The following SMYD1 variants were observed in gnomAD, a reference collection of about 807,000 sequenced individuals.
The protein encoded by SMYD1 is SET and MYND domain containing 1.
In SMYD1, 49 loss-of-function variants were observed where a neutral mutation model predicts 54.0. The ratio of observed to expected loss-of-function variants is 0.91; its 90% CI spans 0.72 to 1.15. SMYD1 has a LOEUF of 1.15. Among genes scored for constraint, SMYD1 ranks in the 50% most tolerant of loss-of-function variants. The pLI is 0.00. For missense variants in SMYD1, 653 were observed against 639.6 expected (o/e 1.02, Z -0.23); for synonymous variants, 269 against 234.2 (o/e 1.15, Z -1.36).
intron 6 of SMYD1, among the ~76,000 whole-genome samples, chr2:88,101,632 G>T (rs1674722349): frequency 6.6e-6 from 1 of 152,126 alleles, no homozygotes; most frequent in African/African-American, 2.4e-5. Context: ...TTGAGACAGG[G>T]TCTCACTCTG....
intron 1 of SMYD1, among the ~76,000 whole-genome samples, chr2:88,079,600 T>A (rs1674142005): frequency 6.6e-6 from 1 of 152,122 alleles, no homozygotes; most frequent in East Asian, 1.9e-4. Context: ...GGTGGGCAGA[T>A]CACGAGGTCA....
Position 88,110,401 on chromosome 2 carries a change from C to T in SMYD1, c.1362C>T (p.Asn454=), listed in dbSNP as rs747401573. 2.0e-5 allele frequency: 33 copies of T among 1,612,680 alleles called. No homozygotes were observed. Among genetic ancestry groups the T allele is most frequent in the Middle Eastern group, 3.3e-4 (2 of 6,082 alleles). Residue 454 remains asparagine (N), a synonymous_variant, in exon 10 of 10, where the codon AAC becomes AAT. Transcript: ENST00000419482. The part of the protein sequence containing the change: ...TEMELRMFRQ[N]EFMYYKMREA... ...TGGAGCTACGCATGTTCCGCCAGAA[C>T]GAATTCATGTACTACAAGATGCGCG...
intron 7 of SMYD1, 146 bp from the exon 8 acceptor site, chr2:88,106,179 C>A: frequency 1.8e-6 from 2 of 1,100,386 alleles, no homozygotes; most frequent in Admixed American, 2.3e-5. Flanking sequence ...CAATTCATAC[C>A]CCAAACCTGT....
chr2:88,081,637 T>C (rs1277247087), intron 1 of SMYD1, among the ~76,000 whole-genome samples: 1 of 152,078 alleles, frequency 6.6e-6, no homozygotes, highest in Non-Finnish European at 1.5e-5. Context: ...GGTTTTACCA[T>C]GTTGGCCAGG....
chr2:88,080,965 C>CA, intron 1 of SMYD1, among the ~76,000 whole-genome samples: 1 of 150,510 alleles, frequency 6.6e-6, no homozygotes, highest in South Asian at 2.1e-4. Flanking sequence ...TGCAGTGGTA[C>CA]AATCTTGGCT....
At position 88,091,052 on chromosome 2, in the gene SMYD1, T is replaced by A; in HGVS notation, c.569T>A (p.Leu190Gln). 6.2e-7 allele frequency: 1 copy of A among 1,614,166 alleles called. No individual in the cohort carries two copies. Residue 190 changes from leucine to glutamine, a missense_variant, in exon 4 of 10, where the codon CTG (leucine) becomes CAG (glutamine). By Grantham distance (113) the Leu-to-Gln change is moderately radical (BLOSUM62 -2). Coordinates refer to ENST00000419482, the MANE Select transcript of SMYD1 (RefSeq NM_198274.4). ...TTTACTCTCAGTGATCAGAGAGGCC[T>A]GCAGGCCGTGGGCGTAGGCATCTTC... The part of the protein sequence containing the change: ...NGFTLSDQRG[L>Q]QAVGVGIFPN...
chr2:88,101,724 G>C (rs1674724551), intron 6 of SMYD1, among the ~76,000 whole-genome samples: 2 of 152,144 alleles, frequency 1.3e-5, no homozygotes, highest in Non-Finnish European at 2.9e-5. Context: ...TTGTGCCTCA[G>C]CCTCCCTAGT....
At chr2:88,080,330 A>G (rs917034059) in intron 1 of SMYD1, among the ~76,000 whole-genome samples, 2 of 152,334 alleles carry the variant, frequency 1.3e-5, no homozygotes, top group Admixed American at 1.3e-4. Context: ...GAGAATTGTG[A>G]AGTGTAATGT....
chr2:88,093,492 T>A (rs781033530), intron 4 of SMYD1, 25 bp from the exon 5 acceptor site: 1 of 1,614,106 alleles, frequency 6.2e-7, no homozygotes. Context: ...ATGATTTCCA[T>A]ATGGGTGTCT....
chr2:88,087,867 C>A lies in SMYD1; in HGVS notation c.320C>A (p.Ala107Glu). Reference protein sequence around the residue: ...GKVPNENIRLAARIMWRVERE... With the variant: ...GKVPNENIRLEARIMWRVERE... ...TGACGCTGCCCTTCCCACAGGCTGGCGGCGCGCATCATGTGGCGGGTGGAG... is the reference window on the plus strand; with the variant it reads ...TGACGCTGCCCTTCCCACAGGCTGGAGGCGCGCATCATGTGGCGGGTGGAG... The change falls in exon 3 of 10, where the codon GCG (alanine) becomes GAG (glutamate). Residue 107 changes from alanine to glutamate, a missense_variant. Transcript: ENST00000419482. 1 of 1,571,990 alleles carries A rather than the reference C, an allele frequency of 6.4e-7. No homozygotes were observed.
chr2:88,085,625 T>G (rs1360290095), intron 2 of SMYD1, among the ~76,000 whole-genome samples: 1 of 152,182 alleles, frequency 6.6e-6, no homozygotes, highest in African/African-American at 2.4e-5. Flanking sequence ...AGACCTGAAG[T>G]AAATGGCACC....
chr2:88,070,575 C>T (rs1313788444), intron 1 of SMYD1, among the ~76,000 whole-genome samples: 1 of 151,958 alleles, frequency 6.6e-6, no homozygotes, highest in Non-Finnish European at 1.5e-5. Context: ...TATGTTACAT[C>T]TTCTCTATCC....
intron 2 of SMYD1, among the ~76,000 whole-genome samples, chr2:88,086,960 A>T (rs985984785): frequency 1.4e-5 from 2 of 145,614 alleles, no homozygotes; most frequent in African/African-American, 5.0e-5. Flanking sequence ...CATTAGGTAC[A>T]TCTCCCAATG....
At chr2:88,093,076 T>G (rs1011362602) in intron 4 of SMYD1, among the ~76,000 whole-genome samples, 1 of 152,190 alleles carries the variant, frequency 6.6e-6, no homozygotes. Context: ...ACATACTATC[T>G]CTGTGACCTA....
Position 88,111,875 on chromosome 2 carries a change from C to T in SMYD1, c.*1363C>T. The T allele has an allele frequency of 1.8e-6, 1 of 569,714 alleles. No individual in the cohort carries two copies. 35.3% of individuals were successfully genotyped at this position (569,714 alleles called of 1,614,324 possible). A position where few individuals can be genotyped will look rare whatever the true frequency, so the allele number is the denominator to read the frequency against. ...AGACTTCTACACAACCCAGGACTAC[C>T]ATTGACCTCAGAGCTGTACCCCACA... On this transcript the variant is annotated 3_prime_UTR_variant, in exon 10 of 10. Transcript: ENST00000419482.
Position 88,068,083 on chromosome 2 carries a change from CAG to C in SMYD1, c.137+83_137+84del. 3 of 1,493,558 alleles carry C rather than the reference CAG, an allele frequency of 2.0e-6. No homozygotes were observed. In the African/African-American group the frequency reaches 4.2e-5, roughly 21 times the overall value. 92.5% of individuals were successfully genotyped at this position (1,493,558 alleles called of 1,614,324 possible). On this transcript the variant is annotated intron_variant, in intron 1 of 9. Transcript: ENST00000419482. ...AAAATACTTTGCTCTCAAAAATCAT[CAG>C]GGGAAGGGATAAAATTCATGTGCTC... is the stretch of plus-strand genomic sequence containing the variant.
intron 1 of SMYD1, among the ~76,000 whole-genome samples, chr2:88,083,665 C>T (rs1013181599): frequency 6.6e-6 from 1 of 152,214 alleles, no homozygotes. Flanking sequence ...CACCACACTG[C>T]AAGTTCAATT....
intron 1 of SMYD1, among the ~76,000 whole-genome samples, chr2:88,070,942 C>CAAAAAAAAAAAA (rs61024525): frequency 3.3e-5 from 2 of 60,128 alleles, no homozygotes; most frequent in African/African-American, 6.2e-5. Context: ...GACTATTTCT[C>CAAAAAAAAAAAA]AAAAAAAAAA....
At chr2:88,068,930 C>A in intron 1 of SMYD1, among the ~76,000 whole-genome samples, 1 of 152,018 alleles carries the variant, frequency 6.6e-6, no homozygotes, top group East Asian at 1.9e-4. Flanking sequence ...ATCGTGTCTA[C>A]CTGTACATAT....
Sources: allele counts gnomAD v4.1 joint callset (sites outside exome capture counted in the v4.1 genomes callset), GRCh38; gene constraint gnomAD v4.1.1; transcripts MANE v1.5; gene names NCBI Gene and HGNC (gene_info 2026-07-23, HGNC 2026-07-21).